Variants in NRG2 observed in about 807,000 individuals in gnomAD.
NRG2 encodes pro-neuregulin-2, membrane-bound isoform.
In NRG2, 27 loss-of-function variants were observed where a neutral mutation model predicts 73.9. The observed-to-expected ratio is 0.37, with a 90% confidence interval of 0.27 to 0.50. The LOEUF (loss-of-function observed/expected upper bound fraction) is 0.50, where lower values mean the gene tolerates loss of function less well. NRG2 is among the 20% of genes least tolerant of loss of function. The pLI is 0.96. For missense variants in NRG2, 1,126 were observed against 1,210.1 expected, an observed-to-expected ratio of 0.93 and a Z score of 1.03; for synonymous variants, 532 against 541.0, an observed-to-expected ratio of 0.98 and a Z score of 0.23.
At chr5:139,928,377 C>G (rs895200831) in intron 1 of NRG2, among the ~76,000 whole-genome samples, 4 of 152,214 alleles carry the variant, frequency 2.6e-5, no homozygotes, top group Non-Finnish European at 4.4e-5. Flanking sequence ...CCAGGGTTCT[C>G]TCCTGGCTTT....
intron 1 of NRG2, among the ~76,000 whole-genome samples, chr5:139,953,542 C>T (rs1042527334): frequency 1.2e-4 from 18 of 152,158 alleles, no homozygotes; most frequent in Admixed American, 2.6e-4. Flanking sequence ...AAAGACTCAA[C>T]GCAAGGCTAT....
intron 1 of NRG2, among the ~76,000 whole-genome samples, chr5:140,002,125 A>T (rs928508300): frequency 6.6e-6 from 1 of 152,194 alleles, no homozygotes; most frequent in African/African-American, 2.4e-5. Context: ...TCAAGGCTAC[A>T]GTGAGCCATG....
At chr5:140,011,757 G>A (rs1759383387) in intron 1 of NRG2, among the ~76,000 whole-genome samples, 1 of 152,164 alleles carries the variant, frequency 6.6e-6, no homozygotes, top group African/African-American at 2.4e-5. Flanking sequence ...CTAGACTGGA[G>A]GACTCACATC....
At position 140,020,977 on chromosome 5, in the gene NRG2, T is replaced by C. The variant is rs537704058; in HGVS notation, c.700+21393A>G. ...TGTCTCAAACTCCTACTCTGTGGCCTTGCCCTTTAAGTCCTTGGCAGAAAG... is the reference window on the plus strand; with the variant it reads ...TGTCTCAAACTCCTACTCTGTGGCCCTGCCCTTTAAGTCCTTGGCAGAAAG... On this transcript the variant is annotated intron_variant, in intron 1 of 9. Coordinates refer to ENST00000361474, the MANE Select transcript of NRG2 (RefSeq NM_004883.3). 7.9e-5 allele frequency among the ~76,000 whole-genome samples: 12 copies of C among 152,332 alleles called. No individual in the cohort carries two copies. The South Asian group carries it at 2.5e-3, about 32-fold the overall frequency.
rs1404423459 is a variant in NRG2, at chr5:139,851,195, C to T, written c.1772+409G>A. 2.0e-5 allele frequency among the ~76,000 whole-genome samples: 3 copies of T among 152,146 alleles called. No individual in the cohort carries two copies. The highest frequency in any genetic ancestry group is 4.4e-5 in the Non-Finnish European group (3 of 68,024). On this transcript the variant is annotated intron_variant, in intron 9 of 9. Transcript: ENST00000361474. This position sits in a 1 kb window ranked among gnomAD's most constrained non-coding sequence, Gnocchi z 4.2. ...AAAGATGGGGGTTTCACCATGTTGGCCAGACTAGTCTCAAACTCCTGACCT... is the reference window on the plus strand; with the variant it reads ...AAAGATGGGGGTTTCACCATGTTGGTCAGACTAGTCTCAAACTCCTGACCT...
chr5:139,863,659 C>CAT (rs1762294938), intron 5 of NRG2, among the ~76,000 whole-genome samples: 2 of 152,126 alleles, frequency 1.3e-5, no homozygotes, highest in Non-Finnish European at 2.9e-5. Context: ...GCCCCCAGCT[C>CAT]TGCCTAGGCT....
Position 139,847,835 on chromosome 5 carries a change from T to C in NRG2, c.*82A>G, listed in dbSNP as rs1171431736. ...AATAAAAATATTTTTATTTCTTTTT[T>C]CCTCCTTTCTCTCCAGTAGGCGGTC... is the stretch of plus-strand genomic sequence containing the variant. On this transcript the variant is annotated 3_prime_UTR_variant, in exon 10 of 10. Coordinates refer to ENST00000361474, the MANE Select transcript of NRG2 (RefSeq NM_004883.3). 2.6e-6 allele frequency: 2 copies of C among 755,590 alleles called. No homozygotes were observed. The highest frequency in any genetic ancestry group is 3.7e-6 in the Non-Finnish European group (2 of 541,624). 46.8% of individuals were successfully genotyped at this position (755,590 alleles called of 1,614,324 possible).
chr5:139,852,572 G>A lies in NRG2; in HGVS notation c.1417-13C>T. The A allele has an allele frequency of 6.2e-7, 1 of 1,611,958 alleles. No homozygotes were observed. The highest frequency in any genetic ancestry group is 8.5e-7 in the Non-Finnish European group (1 of 1,178,848). Reference sequence around the variant, plus strand: ...TCTTGGAAATATACTGGAACAGACAGAGTTGGGCGAGAGTTAGTGACTGGG... The same window carrying A: ...TCTTGGAAATATACTGGAACAGACAAAGTTGGGCGAGAGTTAGTGACTGGG... On this transcript the variant is annotated splice_polypyrimidine_tract_variant and intron_variant, in intron 7 of 9. Coordinates refer to ENST00000361474, the MANE Select transcript of NRG2 (RefSeq NM_004883.3). This position sits in a 1 kb window ranked among gnomAD's most constrained non-coding sequence, Gnocchi z 4.4.
rs138640776 is a variant in NRG2, at chr5:139,965,457, G to A, written c.700+76913C>T. Among the ~76,000 whole-genome samples, 377 of 152,342 alleles carry A rather than the reference G, an allele frequency of 2.5e-3. 1 individual carries two copies. The highest frequency in any genetic ancestry group is 4.0e-3 in the Non-Finnish European group (272 of 68,030). On this transcript the variant is annotated intron_variant, in intron 1 of 9. Transcript: ENST00000361474. ...CCCAGACCAGGCCAAACAGCAGAGC[G>A]ACGCAGTCCTCCTGAACAGGGATGG...
intron 1 of NRG2, among the ~76,000 whole-genome samples, chr5:139,902,100 G>A (rs1323273279): frequency 6.6e-6 from 1 of 152,234 alleles, no homozygotes; most frequent in African/African-American, 2.4e-5. Context: ...CAGGTGCCTG[G>A]CTTCCAGCTG....
At chr5:139,888,186 G>A (rs1291165255) in intron 1 of NRG2, among the ~76,000 whole-genome samples, 1 of 152,152 alleles carries the variant, frequency 6.6e-6, no homozygotes, top group East Asian at 1.9e-4. Flanking sequence ...GGCTAAGCCA[G>A]TGCTCGTGCT....
chr5:140,033,047 T>C (rs1761265549), intron 1 of NRG2, among the ~76,000 whole-genome samples: 1 of 152,226 alleles, frequency 6.6e-6, no homozygotes, highest in Non-Finnish European at 1.5e-5. Context: ...ACATATCAAT[T>C]AATTATTTAA....
At chr5:139,928,358 C>T (rs2126357743) in intron 1 of NRG2, among the ~76,000 whole-genome samples, 1 of 152,294 alleles carries the variant, frequency 6.6e-6, no homozygotes, top group Non-Finnish European at 1.5e-5. Context: ...CCTCCCTTGT[C>T]CTCTTCTCCC....
intron 1 of NRG2, among the ~76,000 whole-genome samples, chr5:139,908,505 C>T (rs181766390): frequency 6.6e-6 from 1 of 152,330 alleles, no homozygotes; most frequent in Admixed American, 6.5e-5. Context: ...TTCTTCACAA[C>T]ACCACTATGG....
intron 1 of NRG2, among the ~76,000 whole-genome samples, chr5:140,012,588 A>G (rs1759448428): frequency 1.3e-5 from 2 of 152,274 alleles, no homozygotes; most frequent in Admixed American, 6.5e-5. Flanking sequence ...TATTACCAAG[A>G]AATGCAACCC....
At position 139,852,125 on chromosome 5, in the gene NRG2, C is replaced by T. The variant is rs572900483; in HGVS notation, c.1545-294G>A. ...AGACCCCCTGTCTGGGACCTTTCCA[C>T]CACCGTGGTCCTTAGCTACCTATCT... is the stretch of plus-strand genomic sequence containing the variant. On this transcript the variant is annotated intron_variant, in intron 8 of 9. Transcript: ENST00000361474. This position sits in a 1 kb window ranked among gnomAD's most constrained non-coding sequence, Gnocchi z 4.4. 5.9e-4 allele frequency among the ~76,000 whole-genome samples: 90 copies of T among 152,348 alleles called. No individual in the cohort carries two copies. The highest frequency in any genetic ancestry group is 2.1e-3 in the African/African-American group (87 of 41,568).
intron 1 of NRG2, among the ~76,000 whole-genome samples, chr5:139,998,943 C>A (rs959392295): frequency 1.3e-5 from 2 of 152,128 alleles, no homozygotes; most frequent in African/African-American, 4.8e-5. Context: ...ACATCACAAG[C>A]CCCTTGCCCC....
At chr5:139,859,865 G>C (rs1762038012) in intron 5 of NRG2, 1 of 1,611,410 alleles carries the variant, frequency 6.2e-7, no homozygotes. Flanking sequence ...AGATGGTGCT[G>C]AGTGACACAC....
chr5:139,899,904 T>C (rs1360750033), intron 1 of NRG2, among the ~76,000 whole-genome samples: 2 of 152,182 alleles, frequency 1.3e-5, no homozygotes, highest in Admixed American at 6.5e-5. Context: ...CACTAATTCA[T>C]GGTTAATCGT....
Sources: gnomAD v4.1 joint callset for allele counts (sites outside exome capture counted in the v4.1 genomes callset) on GRCh38, gnomAD v4.1.1 for gene constraint, Gnocchi (gnomAD v3.1) non-coding constraint, MANE v1.5 for transcripts, NCBI Gene and HGNC (gene_info 2026-07-23, HGNC 2026-07-21) for gene names.